The following RNF43 variants were observed in gnomAD, a reference collection of about 807,000 sequenced individuals.
RNF43 encodes ring finger protein 43, also known as E3 ubiquitin-protein ligase RNF43.
RNF43 carries 37 observed loss-of-function variants against 78.4 expected under a neutral mutation model. The observed-to-expected ratio is 0.47, with a 90% CI of 0.36 to 0.62. The LOEUF (loss-of-function observed/expected upper bound fraction) is 0.62, where lower values mean the gene tolerates loss of function less well. Among genes scored for constraint, RNF43 ranks in the 20% least tolerant of loss-of-function variants. The pLI is 0.00. For missense variants in RNF43, 774 were observed against 1,007.9 expected (o/e 0.77, Z 3.14); for synonymous variants, 347 against 395.0 (o/e 0.88, Z 1.44).
chr17:58,400,961 T>TA (rs945066861), intron 2 of RNF43, among the ~76,000 whole-genome samples: 7 of 152,034 alleles, frequency 4.6e-5, no homozygotes, highest in African/African-American at 1.7e-4. Flanking sequence ...AACAACTGCC[T>TA]AATCACAGAG....
intron 2 of RNF43, among the ~76,000 whole-genome samples, chr17:58,414,488 C>T (rs998424203): frequency 5.9e-5 from 9 of 152,092 alleles, no homozygotes; most frequent in African/African-American, 2.2e-4. Context: ...CAATGGAATG[C>T]CCATTAAAAA....
chr17:58,372,334 G>A (rs1174420500), intron 2 of RNF43, among the ~76,000 whole-genome samples: 4 of 152,182 alleles, frequency 2.6e-5, no homozygotes, highest in African/African-American at 9.7e-5. Context: ...GGGGTGTTGA[G>A]ATAGGAAGGA....
intron 2 of RNF43, among the ~76,000 whole-genome samples, chr17:58,400,959 C>T (rs777730125): frequency 6.6e-6 from 1 of 151,894 alleles, no homozygotes; most frequent in Non-Finnish European, 1.5e-5. Context: ...AAAACAACTG[C>T]CTAATCACAG....
intron 8 of RNF43, among the ~76,000 whole-genome samples, chr17:58,359,592 A>T (rs1359052788): frequency 6.9e-6 from 1 of 145,898 alleles, no homozygotes; most frequent in Non-Finnish European, 1.5e-5. Flanking sequence ...CGACAGAGCG[A>T]GACTCCAACT....
intron 2 of RNF43, among the ~76,000 whole-genome samples, chr17:58,390,959 T>C (rs547483101): frequency 6.6e-6 from 1 of 152,348 alleles, no homozygotes; most frequent in African/African-American, 2.4e-5. Context: ...TTAGCACTTA[T>C]TATAAATTCT....
At chr17:58,397,080 GA>G (rs1460861311) in intron 2 of RNF43, among the ~76,000 whole-genome samples, 1 of 150,218 alleles carries the variant, frequency 6.7e-6, no homozygotes, top group Non-Finnish European at 1.5e-5. Context: ...TAGGAATACA[GA>G]AATCAGGGTA....
chr17:58,375,913 C>A (rs190643422), intron 2 of RNF43, among the ~76,000 whole-genome samples: 1 of 152,338 alleles, frequency 6.6e-6, no homozygotes, highest in East Asian at 1.9e-4. Flanking sequence ...AAAGTTCTCC[C>A]TTCCTGGCTT....
chr17:58,362,804 G>C (rs1598133020), intron 5 of RNF43, among the ~76,000 whole-genome samples, 156 bp from the exon 6 acceptor site: 2 of 152,350 alleles, frequency 1.3e-5, no homozygotes, highest in East Asian at 3.9e-4. Context: ...GTGGGATTAG[G>C]TGGGCCCTCC....
At chr17:58,381,411 TG>T (rs931833230) in intron 2 of RNF43, among the ~76,000 whole-genome samples, 6 of 152,144 alleles carry the variant, frequency 3.9e-5, no homozygotes, top group Non-Finnish European at 7.4e-5. Context: ...AGGCCTGCTT[TG>T]GGGGGACTGT....
chr17:58,394,082 G>C (rs1271186045), intron 2 of RNF43, among the ~76,000 whole-genome samples: 1 of 152,108 alleles, frequency 6.6e-6, no homozygotes. Context: ...GGATGTGGTT[G>C]GGTTGTTTCA....
Position 58,370,910 on chromosome 17 carries a change from C to G in RNF43, c.375+1G>C, listed in dbSNP as rs2143513584. On this transcript the variant is annotated splice_donor_variant, in intron 3 of 9. Transcript: ENST00000407977. LOFTEE classifies it high-confidence loss of function. Reference sequence around the variant, plus strand: ...GTGTGTAGGGCGAAGTGTGAGTCTACCTTGCTAGCCAGTGACAGGCAGGGG... The same window carrying G: ...GTGTGTAGGGCGAAGTGTGAGTCTAGCTTGCTAGCCAGTGACAGGCAGGGG... 1 of 1,593,046 alleles carries G rather than the reference C, an allele frequency of 6.3e-7. No homozygotes were observed. Among genetic ancestry groups the G allele is most frequent in the Non-Finnish European group, 8.6e-7 (1 of 1,168,670 alleles).
Position 58,358,585 on chromosome 17 carries a change from C to T in RNF43, c.1191G>A (p.Arg397=), listed in dbSNP as rs1598127770. ...CCAGGCGCTGCTGCTCTCCTGGAGC[C>T]CGGGGATGTGCAGCTCTGGGGAAGC... is the stretch of plus-strand genomic sequence containing the variant. ...HHRFPRAAHP[R]APGEQQRLAG... The change falls in exon 9 of 10, where the codon CGG becomes CGA. Residue 397 remains arginine, a synonymous_variant. Transcript: ENST00000407977. This position sits in a 1 kb window ranked among gnomAD's most constrained non-coding sequence, Gnocchi z 6.2. The T allele has an allele frequency of 6.3e-7, 1 of 1,593,452 alleles. No homozygotes were observed. Among genetic ancestry groups the T allele is most frequent in the East Asian group, 2.2e-5 (1 of 44,546 alleles).
At chr17:58,367,196 T>G (rs559406767) in intron 3 of RNF43, among the ~76,000 whole-genome samples, 8 of 152,190 alleles carry the variant, frequency 5.3e-5, no homozygotes, top group African/African-American at 1.7e-4. Context: ...AGATGAGGTT[T>G]CACCATGTTG....
intron 2 of RNF43, among the ~76,000 whole-genome samples, chr17:58,378,431 A>AT (rs1973250172): frequency 6.6e-6 from 1 of 151,850 alleles, no homozygotes; most frequent in African/African-American, 2.4e-5. Context: ...TAATTTTTGT[A>AT]TTTTTTGTAG....
chr17:58,389,656 A>T lies in RNF43; in HGVS notation c.253-18623T>A, dbSNP rs1973509407. Among the ~76,000 whole-genome samples, 3 of 152,306 alleles carry T rather than the reference A, an allele frequency of 2.0e-5. No homozygotes were observed. In the South Asian group the frequency reaches 6.2e-4, roughly 32 times the overall value. On this transcript the variant is annotated intron_variant, in intron 2 of 9. Transcript: ENST00000407977. ...TAGAAGAACAGGGGCTTCTTCCATT[A>T]TTTCCCCATAATATTAAATTTACAT...
chr17:58,380,871 C>T (rs1973299724), intron 2 of RNF43, among the ~76,000 whole-genome samples: 1 of 152,232 alleles, frequency 6.6e-6, no homozygotes, highest in Non-Finnish European at 1.5e-5. Context: ...AAACTCTGCT[C>T]CATACTGCTG....
Position 58,363,324 on chromosome 17 carries a change from T to C in RNF43, c.533A>G (p.Lys178Arg), listed in dbSNP as rs767440689. 4.3e-6 allele frequency: 7 copies of C among 1,614,180 alleles called. No homozygotes were observed. The South Asian group carries it at 7.7e-5, about 18-fold the overall frequency. ...AATCCTCACATGGGCCTTTTGGTTC[T>C]TGTACACAAACTCCATCAGCTTCTC... ...DAEKLMEFVY[K>R]NQKAHVRIEL... is the part of the protein sequence containing the mutation. The change falls in exon 5 of 10, where the codon AAG becomes AGG. Residue 178 changes from lysine (K) to arginine (R), a missense_variant. Transcript: ENST00000407977.
chr17:58,370,876 G>T (rs1973078527), intron 3 of RNF43, 35 bp downstream of exon 3: 3 of 1,534,856 alleles, frequency 2.0e-6, no homozygotes, highest in Non-Finnish European at 2.6e-6. Flanking sequence ...GCTGGGTGAA[G>T]CTCCGGGTGT....
chr17:58,397,104 AAAG>A (rs375003372), intron 2 of RNF43, among the ~76,000 whole-genome samples: 34 of 152,292 alleles, frequency 2.2e-4, no homozygotes, highest in Middle Eastern at 3.4e-3. Context: ...GATTGAAAGA[AAAG>A]AAAACCACTG....
Sources: gnomAD v4.1 joint callset for allele counts (sites outside exome capture counted in the v4.1 genomes callset) on GRCh38, gnomAD v4.1.1 for gene constraint, Gnocchi (gnomAD v3.1) non-coding constraint, MANE v1.5 for transcripts, NCBI Gene and HGNC (gene_info 2026-07-23, HGNC 2026-07-21) for gene names.